Variants in KREMEN1 observed in about 807,000 individuals in gnomAD.
The protein encoded by KREMEN1 is kremen protein 1.
A neutral mutation model predicts 46.5 loss-of-function variants in KREMEN1; 30 were observed. The ratio of observed to expected loss-of-function variants is 0.65; its 90% CI spans 0.48 to 0.88. The LOEUF is 0.88. KREMEN1 is among the 40% of genes least tolerant of loss of function. KREMEN1 has a pLI of 0.00. For synonymous variants in KREMEN1, 214 were observed against 230.6 expected (o/e 0.93, Z 0.65); for missense variants, 533 against 596.9 (o/e 0.89, Z 1.11).
chr22:29,167,088 G>A (rs1327221162), exon 10 of KREMEN1: 5 of 1,551,510 alleles, frequency 3.2e-6, no homozygotes, highest in Non-Finnish European at 4.4e-6. Flanking sequence ...GGTCTCAGGG[G>A]CAGCCCAGAA....
At chr22:29,115,261 A>G (rs996575264) in intron 3 of KREMEN1, among the ~76,000 whole-genome samples, 1 of 152,194 alleles carries the variant, frequency 6.6e-6, no homozygotes, top group Non-Finnish European at 1.5e-5. Flanking sequence ...AGAATGACAC[A>G]GTGGACTTTG....
chr22:29,119,827 T>C (rs1049289977), intron 3 of KREMEN1, among the ~76,000 whole-genome samples: 1 of 152,248 alleles, frequency 6.6e-6, no homozygotes, highest in Non-Finnish European at 1.5e-5. Flanking sequence ...ATGTTCATGA[T>C]ATAATCCCTA....
At chr22:29,091,443 TA>T (rs138470744) in intron 1 of KREMEN1, among the ~76,000 whole-genome samples, 4 of 152,096 alleles carry the variant, frequency 2.6e-5, no homozygotes, top group East Asian at 3.8e-4. Context: ...CTTCACACTT[TA>T]AAAAAAATTT....
chr22:29,093,599 T>G (rs1252950271), intron 1 of KREMEN1, among the ~76,000 whole-genome samples: 1 of 152,226 alleles, frequency 6.6e-6, no homozygotes, highest in East Asian at 1.9e-4. Flanking sequence ...CAAAAGAATT[T>G]CAGAAAGAGG....
intron 9 of KREMEN1, among the ~76,000 whole-genome samples, chr22:29,153,545 G>T (rs1247940377): frequency 6.6e-6 from 1 of 151,928 alleles, no homozygotes; most frequent in Non-Finnish European, 1.5e-5. Context: ...TTATTGTAGA[G>T]ACAGCGTCTC....
In KREMEN1 at chr22:29,125,375, C is replaced by T. The variant is rs759637504; in HGVS notation, c.590C>T (p.Thr197Ile). Residue 197 changes from threonine to isoleucine, a missense_variant, in exon 5 of 9, where the codon ACC (threonine) becomes ATC (isoleucine). Coordinates refer to ENST00000400335, the MANE Select transcript of KREMEN1 (RefSeq NM_001039570.3). ...ECNSVCFGDH[T>I]QPCGGDGRII... is the part of the protein sequence containing the mutation. ...AACAGCGTCTGCTTCGGGGATCACA[C>T]CCAACCCTGTGGTGGCGATGGCAGG... 4 of 1,614,092 alleles carry T rather than the reference C, an allele frequency of 2.5e-6. No individual in the cohort carries two copies. In the South Asian group the frequency reaches 4.4e-5, roughly 18 times the overall value.
At chr22:29,074,148 A>G (rs2037527717) in intron 1 of KREMEN1, among the ~76,000 whole-genome samples, 2 of 152,230 alleles carry the variant, frequency 1.3e-5, no homozygotes, top group Non-Finnish European at 2.9e-5. Context: ...CTCGCGAGGA[A>G]CGGGATGGAC....
chr22:29,091,175 G>A (rs1337588044), intron 1 of KREMEN1, among the ~76,000 whole-genome samples: 3 of 152,174 alleles, frequency 2.0e-5, no homozygotes, highest in African/African-American at 7.2e-5. Context: ...GTTTCTCCAT[G>A]TTGGCCAGGC....
chr22:29,098,322 C>T (rs1047907564), intron 2 of KREMEN1, among the ~76,000 whole-genome samples: 1 of 152,114 alleles, frequency 6.6e-6, no homozygotes, highest in African/African-American at 2.4e-5. Flanking sequence ...GCTGTTTCCA[C>T]CTGTTTTTTA....
At chr22:29,149,240 G>T (rs2038897058), downstream of KREMEN1, among the ~76,000 whole-genome samples, 1 of 151,172 alleles carries the variant, frequency 6.6e-6, no homozygotes, top group Non-Finnish European at 1.5e-5. Context: ...TCAGCTCACT[G>T]CAACCTCCGC....
chr22:29,079,546 C>A (rs905261965), intron 1 of KREMEN1, among the ~76,000 whole-genome samples: 2 of 152,230 alleles, frequency 1.3e-5, no homozygotes, highest in African/African-American at 2.4e-5. Flanking sequence ...TGCTTCCAAA[C>A]CCAAGTGTCA....
rs200023748 is a variant in KREMEN1, at chr22:29,121,465, G to A, written c.461G>A (p.Arg154Gln). The change falls in exon 4 of 9, where the codon CGG becomes CAG. Residue 154 changes from arginine (R) to glutamine (Q), a missense_variant. Transcript: ENST00000400335. ...LTIQTCISFC[R>Q]SQRFKFAGME... ...ATACAAACTTGCATCAGTTTTTGTCGGAGTCAGAGGTTCAAGGTGATGACT... is the reference window on the plus strand; with the variant it reads ...ATACAAACTTGCATCAGTTTTTGTCAGAGTCAGAGGTTCAAGGTGATGACT... 1.4e-4 allele frequency: 224 copies of A among 1,613,850 alleles called. No individual in the cohort carries two copies. The highest frequency in any genetic ancestry group is 1.8e-4 in the Non-Finnish European group (210 of 1,179,940).
intron 3 of KREMEN1, among the ~76,000 whole-genome samples, chr22:29,120,848 A>G (rs1029537418): frequency 2.6e-5 from 4 of 152,156 alleles, no homozygotes; most frequent in African/African-American, 4.8e-5. Context: ...TAAAGCCACT[A>G]GGTTTGTGGT....
rs1055139614 is a variant in KREMEN1 at position 29,143,898 on chromosome 22, G to C, written c.*1786G>C. The C allele has an allele frequency of 1.4e-5, 14 of 985,414 alleles. No homozygotes were observed. The highest frequency in any genetic ancestry group is 1.2e-4 in the Admixed American group (2 of 16,276). 61.0% of individuals were successfully genotyped at this position (985,414 alleles called of 1,614,324 possible). Reference sequence around the variant, plus strand: ...GATAGGGAGGTGGGCTGCAGAGATTGGTGCCAGAAGAGGGTGGGTTTGGGA... The same window carrying C: ...GATAGGGAGGTGGGCTGCAGAGATTCGTGCCAGAAGAGGGTGGGTTTGGGA... On this transcript the variant is annotated 3_prime_UTR_variant, in exon 9 of 9. Transcript: ENST00000400335.
At chr22:29,101,144 T>C (rs892450090) in intron 3 of KREMEN1, among the ~76,000 whole-genome samples, 1 of 149,336 alleles carries the variant, frequency 6.7e-6, no homozygotes, top group Non-Finnish European at 1.5e-5. Context: ...CCCAGGTACT[T>C]GGGAGGCTGA....
intron 1 of KREMEN1, among the ~76,000 whole-genome samples, chr22:29,082,872 G>A (rs1288200776): frequency 6.6e-6 from 1 of 152,156 alleles, no homozygotes; most frequent in Non-Finnish European, 1.5e-5. Flanking sequence ...CTTATAATGA[G>A]CTGAGGTATT....
At chr22:29,092,585 C>T (rs929463560) in intron 1 of KREMEN1, among the ~76,000 whole-genome samples, 1 of 152,206 alleles carries the variant, frequency 6.6e-6, no homozygotes, top group African/African-American at 2.4e-5. Flanking sequence ...CTCCTTTGAA[C>T]TTATTTGTGC....
intron 9 of KREMEN1, among the ~76,000 whole-genome samples, chr22:29,163,945 T>A (rs1430440352): frequency 6.7e-6 from 1 of 148,164 alleles, no homozygotes; most frequent in Non-Finnish European, 1.5e-5. Context: ...AAAAACGAGG[T>A]CTTGCTATGT....
intron 2 of KREMEN1, among the ~76,000 whole-genome samples, chr22:29,096,364 C>CTTTAAAA (rs1185705144): frequency 1.3e-5 from 2 of 152,160 alleles, no homozygotes; most frequent in Non-Finnish European, 2.9e-5. Flanking sequence ...TTAAGTCTGA[C>CTTTAAAA]TTTAAGGTAA....
Sources: gnomAD v4.1 joint callset for allele counts (sites outside exome capture counted in the v4.1 genomes callset) on GRCh38, gnomAD v4.1.1 for gene constraint, MANE v1.5 for transcripts, NCBI Gene and HGNC (gene_info 2026-07-23, HGNC 2026-07-21) for gene names.